GDA: variants seen among roughly 807,000 people sequenced by gnomAD.
GDA encodes the protein cytoplasmic PSD-95 interactor.
Under a neutral mutation model 59.6 loss-of-function variants are expected in GDA, and 18 were observed. The ratio of observed to expected loss-of-function variants is 0.30; its 90% CI spans 0.21 to 0.45. The LOEUF (loss-of-function observed/expected upper bound fraction) is 0.45. Ranked by LOEUF, GDA falls within the 20% of genes least tolerant of loss-of-function variation. The pLI is 1.00. For missense variants in GDA, 427 were observed against 552.3 expected (o/e 0.77, Z 2.27); for synonymous variants, 201 against 201.1 (o/e 1.00, Z 0.00).
chr9:72,209,668 C>T (rs1452291569), intron 3 of GDA, among the ~76,000 whole-genome samples: 1 of 152,040 alleles, frequency 6.6e-6, no homozygotes, highest in Non-Finnish European at 1.5e-5. Flanking sequence ...GACATACATT[C>T]ATACTGTGAT....
At chr9:72,254,338 A>T (rs1266122452), downstream of GDA, among the ~76,000 whole-genome samples, 2 of 152,314 alleles carry the variant, frequency 1.3e-5, no homozygotes, top group Admixed American at 1.3e-4. Context: ...AGGAGTATAG[A>T]TAGAGAGATA....
chr9:72,246,048 A>G (rs967828347), intron 12 of GDA, among the ~76,000 whole-genome samples: 1 of 152,258 alleles, frequency 6.6e-6, no homozygotes, highest in Admixed American at 6.5e-5. Flanking sequence ...TTGTTATTAT[A>G]AAAGAGGAAA....
rs1301743492 is a variant in GDA, at chr9:72,251,480, C to T, written c.*3138C>T. 6.6e-6 allele frequency: 1 copy of T among 152,150 alleles called. No individual in the cohort carries two copies. The allele number at this position is 152,150 out of a possible 1,614,324, so 9.4% of individuals were successfully genotyped here. ...TTGGATGCTTCTGGAGACTCTTAGACATCTTTTCATTGTTGTCCATTTTTA... is the reference window on the plus strand; with the variant it reads ...TTGGATGCTTCTGGAGACTCTTAGATATCTTTTCATTGTTGTCCATTTTTA... On this transcript the variant is annotated 3_prime_UTR_variant, in exon 14 of 14. Coordinates refer to ENST00000358399, the MANE Select transcript of GDA (RefSeq NM_004293.5).
chr9:72,138,818 C>A (rs753567656), intron 1 of GDA, among the ~76,000 whole-genome samples: 1 of 152,140 alleles, frequency 6.6e-6, no homozygotes, highest in African/African-American at 2.4e-5. Context: ...AACAAATGTT[C>A]ATAGACTAAA....
chr9:72,125,419 G>A (rs193214409), intron 1 of GDA, among the ~76,000 whole-genome samples: 1 of 147,458 alleles, frequency 6.8e-6, no homozygotes, highest in Non-Finnish European at 1.5e-5. Context: ...GCAGTGGCAC[G>A]ATCACGACAC....
At chr9:72,125,262 C>A (rs12338785) in intron 1 of GDA, among the ~76,000 whole-genome samples, 17,879 of 152,088 alleles carry the variant, frequency 0.12, 2,174 homozygotes, top group African/African-American at 0.31. Flanking sequence ...CCTGGAGAGG[C>A]CAGAGAAGGA....
chr9:72,205,024 A>C (rs1425706109), intron 3 of GDA, among the ~76,000 whole-genome samples: 2 of 150,568 alleles, frequency 1.3e-5, no homozygotes, highest in Non-Finnish European at 2.9e-5. Context: ...AGGCATGAGA[A>C]TCGCCTGAAC....
chr9:72,133,900 C>T (rs920054841), intron 1 of GDA, among the ~76,000 whole-genome samples: 2 of 152,184 alleles, frequency 1.3e-5, no homozygotes, highest in African/African-American at 2.4e-5. Flanking sequence ...GGAATTTGAG[C>T]TATCACAGGA....
chr9:72,197,068 A>G (rs1471882189), intron 2 of GDA, among the ~76,000 whole-genome samples: 2 of 152,208 alleles, frequency 1.3e-5, no homozygotes, highest in Non-Finnish European at 2.9e-5. Context: ...ACACTGTTTC[A>G]CGTAATAGAG....
chr9:72,225,872 A>C, intron 8 of GDA, 88 bp downstream of exon 8: 1 of 632,756 alleles, frequency 1.6e-6, no homozygotes, highest in East Asian at 2.8e-5. Context: ...CAGATTTCTG[A>C]TATGAATACA....
Position 72,249,545 on chromosome 9 carries a change from A to T in GDA, c.*1203A>T. On this transcript the variant is annotated 3_prime_UTR_variant, in exon 14 of 14. Transcript: ENST00000358399. ...CTTAATATTTATGTTAATAGGACTT[A>T]ATTCTTACTAGACATCTAGGAACAT... 4 of 595,280 alleles carry T rather than the reference A, an allele frequency of 6.7e-6. No homozygotes were observed. The highest frequency in any genetic ancestry group is 8.4e-6 in the Non-Finnish European group (4 of 474,264). The allele number at this position is 595,280 out of a possible 1,614,324, so 36.9% of individuals were successfully genotyped here.
chr9:72,184,119 C>T (rs1173062352), intron 1 of GDA, among the ~76,000 whole-genome samples: 2 of 152,150 alleles, frequency 1.3e-5, no homozygotes, highest in East Asian at 1.9e-4. Flanking sequence ...TCCCATGTAT[C>T]CCCTGCCGGG....
intron 10 of GDA, among the ~76,000 whole-genome samples, chr9:72,232,691 C>T (rs1334083214): frequency 2.6e-5 from 4 of 152,152 alleles, no homozygotes; most frequent in African/African-American, 9.7e-5. Flanking sequence ...CACATGACTT[C>T]CTTTTCTTGA....
At chr9:72,224,788 A>G (rs1837343348) in intron 7 of GDA, among the ~76,000 whole-genome samples, 1 of 150,530 alleles carries the variant, frequency 6.6e-6, no homozygotes, top group South Asian at 2.1e-4. Context: ...GAATTTGGAA[A>G]ATCACTCATC....
At chr9:72,229,966 T>C (rs1055876252) in intron 9 of GDA, among the ~76,000 whole-genome samples, 3 of 152,246 alleles carry the variant, frequency 2.0e-5, no homozygotes, top group Admixed American at 2.0e-4. Flanking sequence ...GTTAATATCC[T>C]CTAAATTAAA....
chr9:72,140,083 G>A (rs958887840), intron 1 of GDA, among the ~76,000 whole-genome samples: 1 of 152,076 alleles, frequency 6.6e-6, no homozygotes, highest in African/African-American at 2.4e-5. Context: ...TCACCTACCT[G>A]CTCCTTAACT....
chr9:72,123,967 G>A (rs778819881), intron 1 of GDA, among the ~76,000 whole-genome samples: 6 of 152,202 alleles, frequency 3.9e-5, no homozygotes, highest in Non-Finnish European at 8.8e-5. Context: ...ACAGTGAGAA[G>A]CCAGTGAGGA....
chr9:72,123,204 G>T (rs1197244063), intron 1 of GDA, among the ~76,000 whole-genome samples: 4 of 100,264 alleles, frequency 4.0e-5, no homozygotes, highest in East Asian at 2.6e-4. Context: ...TTTTTTTTGA[G>T]ACCGAGTCTT....
intron 3 of GDA, among the ~76,000 whole-genome samples, chr9:72,205,709 C>T (rs906899353): frequency 2.0e-5 from 3 of 152,192 alleles, no homozygotes; most frequent in Non-Finnish European, 4.4e-5. Context: ...CTATTTGTTA[C>T]AAAAGCATAT....
Sources: allele counts gnomAD v4.1 joint callset (sites outside exome capture counted in the v4.1 genomes callset), GRCh38; gene constraint gnomAD v4.1.1; transcripts MANE v1.5; gene names NCBI Gene and HGNC (gene_info 2026-07-23, HGNC 2026-07-21).